DDN: variants seen among roughly 807,000 people sequenced by gnomAD.
DDN encodes dendrin.
In DDN, 4 loss-of-function variants were observed where a neutral mutation model predicts 7.3. That is an observed-to-expected ratio of 0.55 (90% CI 0.27 to 1.25). The LOEUF (loss-of-function observed/expected upper bound fraction) is 1.25, where lower values mean the gene tolerates loss of function less well. Ranked by LOEUF, DDN falls within the 50% of genes most tolerant of loss-of-function variation. The pLI is 0.12. For missense variants in DDN, 933 were observed against 974.7 expected (o/e 0.96, Z 0.57); for synonymous variants, 425 against 424.3 (o/e 1.00, Z -0.02).
At position 48,996,777 on chromosome 12, in the gene DDN, A is replaced by C; in HGVS notation, c.2099T>G (p.Ile700Ser). 1 of 1,614,052 alleles carries C rather than the reference A, an allele frequency of 6.2e-7. No homozygotes were observed. The highest frequency in any genetic ancestry group is 8.5e-7 in the Non-Finnish European group (1 of 1,179,978). The change falls in exon 2 of 2, where the codon ATC becomes AGC. Residue 700 changes from isoleucine to serine, a missense_variant. By Grantham distance (142) the Ile-to-Ser change is moderately radical (BLOSUM62 -2). Coordinates refer to ENST00000421952, the MANE Select transcript of DDN (RefSeq NM_015086.2). ...TEEVLFGVRD[I>S]RGTQQGNRKR... is the part of the protein sequence containing the mutation. ...CCTATTTCCCTGTTGGGTCCCTCTG[A>C]TGTCCCTCACCCCGAAGAGGACCTC...
At position 48,998,277 on chromosome 12, in the gene DDN, G is replaced by GT; in HGVS notation, c.598_599insA (p.Pro200HisfsTer39). 1 of 1,604,406 alleles carries GT rather than the reference G, an allele frequency of 6.2e-7. No individual in the cohort carries two copies. The highest frequency in any genetic ancestry group is 8.5e-7 in the Non-Finnish European group (1 of 1,176,506). ...CAGCAGGTGAGCCTCGTAGCTTGGGGGCCCGGGCCGCCGACCTCCCCAGGG... is the reference window on the plus strand; with the variant it reads ...CAGCAGGTGAGCCTCGTAGCTTGGGGTGCCCGGGCCGCCGACCTCCCCAGGG... On this transcript the variant is annotated frameshift_variant, in exon 2 of 2. Transcript: ENST00000421952. LOFTEE classifies it low-confidence loss of function (END_TRUNC).
rs373744165 is a variant in DDN, at chr12:48,997,776, T to G, written c.1100A>C (p.His367Pro). ...TTTCCCTTCCCTCGAGCCCTTGAGG[T>G]GGTGCCTGGATCTGGGAGCGGGATG... ...APHPAPRSRH[H>P]LKGSREGKEG... The change falls in exon 2 of 2, where the codon CAC becomes CCC. Residue 367 changes from histidine to proline, a missense_variant. Transcript: ENST00000421952. The G allele has an allele frequency of 1.2e-6, 2 of 1,611,362 alleles. No individual in the cohort carries two copies. The highest frequency in any genetic ancestry group is 2.7e-5 in the African/African-American group (2 of 74,862).
rs756910288 is a variant in DDN at position 48,997,882 on chromosome 12, G to A, written c.994C>T (p.His332Tyr). 285 of 1,612,852 alleles carry A rather than the reference G, an allele frequency of 1.8e-4. 6 individuals carry two copies. The South Asian group carries it at 2.2e-3, about 13-fold the overall frequency. The stretch of plus-strand genomic sequence containing the variant: ...CTCCCTGTAGCTTTGGCTTGGGGAT[G>A]GCTGTCGCTACCACTGTTCAGGTCA... ...AADLNSGSDS[H>Y]PQAKATGSAG... Residue 332 changes from histidine to tyrosine, a missense_variant, in exon 2 of 2, where the codon CAT becomes TAT. By Grantham distance (83) the His-to-Tyr change is moderately conservative (BLOSUM62 2). Transcript: ENST00000421952.
In DDN at chr12:48,997,847, G is replaced by A. The variant is rs771110507; in HGVS notation, c.1029C>T (p.Thr343=). Residue 343 remains threonine (T), a synonymous_variant, in exon 2 of 2, where the codon ACC becomes ACT. Transcript: ENST00000421952. The part of the protein sequence containing the change: ...PQAKATGSAG[T]EIAPAGSATA... ...TTGCAGACCCCGCAGGAGCTATCTC[G>A]GTGCCTGCGCTCCCTGTAGCTTTGG... The A allele has an allele frequency of 1.2e-6, 2 of 1,613,658 alleles. No individual in the cohort carries two copies. The highest frequency in any genetic ancestry group is 2.2e-5 in the South Asian group (2 of 91,092).
Position 48,997,088 on chromosome 12 carries a change from G to A in DDN, c.1788C>T (p.Ala596=), listed in dbSNP as rs1361686221. 3 of 1,523,262 alleles carry A rather than the reference G, an allele frequency of 2.0e-6. No homozygotes were observed. The highest frequency in any genetic ancestry group is 4.4e-5 in the Admixed American group (2 of 44,966). The allele number at this position is 1,523,262 out of a possible 1,614,324, so 94.4% of individuals were successfully genotyped here. A position where few individuals can be genotyped will look rare whatever the true frequency, so the allele number is the denominator to read the frequency against. ...GSEVAVVQRR[A]GRGWARTPGP... ...CTGGGGTCCGCGCCCAGCCCCGGCC[G>A]GCGCGCCGCTGGACCACCGCCACTT... The change falls in exon 2 of 2, where the codon GCC becomes GCT. Residue 596 remains alanine, a synonymous_variant. Transcript: ENST00000421952.
rs770788022 is a variant in DDN at position 48,999,095 on chromosome 12, C to A, written c.193G>T (p.Gly65Trp). The A allele has an allele frequency of 3.7e-6, 6 of 1,614,136 alleles. No homozygotes were observed. In the South Asian group the frequency reaches 6.6e-5, roughly 18 times the overall value. The change falls in exon 1 of 2, where the codon GGG (glycine) becomes TGG (tryptophan). Residue 65 changes from glycine (G) to tryptophan (W), a missense_variant. Coordinates refer to ENST00000421952, the MANE Select transcript of DDN (RefSeq NM_015086.2). ...MDFQASHWAR[G>W]FQNRTCGPRP... ...TTCACTCACGTGCGGTTCTGGAACC[C>A]GCGAGCCCAGTGGCTGGCCTGGAAG...
chr12:48,998,996 C>T (rs1941260238), intron 1 of DDN, 83 bp downstream of exon 1: 1 of 1,446,302 alleles, frequency 6.9e-7, no homozygotes, highest in Non-Finnish European at 9.7e-7. Context: ...GGGGGACCAG[C>T]AGTGCTCGCT....
At position 48,998,358 on chromosome 12, in the gene DDN, C is replaced by T. The variant is rs758735611; in HGVS notation, c.518G>A (p.Arg173Gln). 1.1e-5 allele frequency: 16 copies of T among 1,511,000 alleles called. No individual in the cohort carries two copies. The East Asian group carries it at 1.8e-4, about 17-fold the overall frequency. 93.6% of individuals were successfully genotyped at this position (1,511,000 alleles called of 1,614,324 possible). The change falls in exon 2 of 2, where the codon CGA becomes CAA. Residue 173 changes from arginine (R) to glutamine (Q), a missense_variant. By Grantham distance (43) the Arg-to-Gln change is conservative. Transcript: ENST00000421952. ...CGGCTGCGCGGATGGACGGGGCGCT[C>T]GCCCCACAGGCGCCAGGCGCTCCGG... The part of the protein sequence containing the change: ...LRPERLAPVG[R>Q]APRPSAQPQS...
Position 48,999,167 on chromosome 12 carries a change from T to G in DDN, c.121A>C (p.Ile41Leu). The G allele has an allele frequency of 6.2e-7, 1 of 1,613,856 alleles. No homozygotes were observed. The highest frequency in any genetic ancestry group is 1.7e-5 in the Admixed American group (1 of 59,992). Residue 41 changes from isoleucine to leucine, a missense_variant, in exon 1 of 2, where the codon ATT (isoleucine) becomes CTT (leucine). Transcript: ENST00000421952. ...SKLLVIEVKT[I>L]SCHYSRRAPS... ...GCGCGGCGACTATAATGACAGGAAA[T>G]AGTCTTCACTTCTATCACCAATAGC... is the stretch of plus-strand genomic sequence containing the variant.
rs1281463380 is a variant in DDN, at chr12:48,997,034, G to A, written c.1842C>T (p.Ala614=). The A allele has an allele frequency of 1.3e-6, 2 of 1,560,900 alleles. No individual in the cohort carries two copies. Among genetic ancestry groups the A allele is most frequent in the Non-Finnish European group, 1.7e-6 (2 of 1,155,742 alleles). Residue 614 remains alanine, a synonymous_variant, in exon 2 of 2, where the codon GCC becomes GCT. Transcript: ENST00000421952. ...PGPYAGALRE[A]VSRIRRHTAP... is the part of the protein sequence containing the mutation. Reference sequence around the variant, plus strand: ...CTGTGTGGCGGCGGATACGGGACACGGCTTCTCGCAGGGCCCCGGCGTAGG... The same window carrying A: ...CTGTGTGGCGGCGGATACGGGACACAGCTTCTCGCAGGGCCCCGGCGTAGG...
In DDN at chr12:48,996,837, A is replaced by G. The variant is rs780773213; in HGVS notation, c.2039T>C (p.Val680Ala). 1 of 1,614,120 alleles carries G rather than the reference A, an allele frequency of 6.2e-7. No homozygotes were observed. Among genetic ancestry groups the G allele is most frequent in the South Asian group, 1.1e-5 (1 of 91,076 alleles). The change falls in exon 2 of 2, where the codon GTC becomes GCC. Residue 680 changes from valine (V) to alanine (A), a missense_variant. Transcript: ENST00000421952. The part of the protein sequence containing the change: ...DGKTAELSDS[V>A]GEILDVISQT... ...GCTTATGACATCTAGGATCTCCCCG[A>G]CACTGTCGCTCAGTTCCGCTGTCTT... is the stretch of plus-strand genomic sequence containing the variant.
chr12:48,997,563 G>A lies in DDN; in HGVS notation c.1313C>T (p.Thr438Ile). The A allele has an allele frequency of 6.3e-7, 1 of 1,598,362 alleles. No homozygotes were observed. Among genetic ancestry groups the A allele is most frequent in the Non-Finnish European group, 8.5e-7 (1 of 1,169,790 alleles). The change falls in exon 2 of 2, where the codon ACC becomes ATC. Residue 438 changes from threonine to isoleucine, a missense_variant. By Grantham distance (89) the Thr-to-Ile change is moderately conservative. Coordinates refer to ENST00000421952, the MANE Select transcript of DDN (RefSeq NM_015086.2). ...EGWKATRRAH[T>I]LPRSSQGLSR... is the part of the protein sequence containing the mutation. ...CAGGCCCTGGGAACTGCGGGGCAAG[G>A]TGTGGGCACGGCGGGTCGCCTTCCA... is the stretch of plus-strand genomic sequence containing the variant.
Position 48,997,507 on chromosome 12 carries a change from C to A in DDN, c.1369G>T (p.Ala457Ser). Reference sequence around the variant, plus strand: ...TGGGATCGTATCACTACGCACGTGGCGTCAATGACAAAGACGCCTTCCCCA... The same window carrying A: ...TGGGATCGTATCACTACGCACGTGGAGTCAATGACAAAGACGCCTTCCCCA... ...SRGEGVFVID[A>S]TCVVIRSQYV... Residue 457 changes from alanine (A) to serine (S), a missense_variant, in exon 2 of 2, where the codon GCC becomes TCC. Ala to Ser is a moderately conservative substitution (Grantham distance 99). Transcript: ENST00000421952. The A allele has an allele frequency of 6.2e-7, 1 of 1,608,350 alleles. No individual in the cohort carries two copies. The highest frequency in any genetic ancestry group is 8.5e-7 in the Non-Finnish European group (1 of 1,175,696).
rs760576031 is a variant in DDN at position 48,997,529 on chromosome 12, C to T, written c.1347G>A (p.Gly449=). Residue 449 remains glycine (G), a synonymous_variant, in exon 2 of 2, where the codon GGG becomes GGA. Coordinates refer to ENST00000421952, the MANE Select transcript of DDN (RefSeq NM_015086.2). ...LPRSSQGLSR[G]EGVFVIDATC... ...TGGCGTCAATGACAAAGACGCCTTC[C>T]CCACGGGACAGGCCCTGGGAACTGC... 1.4e-5 allele frequency: 22 copies of T among 1,607,680 alleles called. No homozygotes were observed. Among genetic ancestry groups the T allele is most frequent in the Non-Finnish European group, 1.7e-5 (20 of 1,175,472 alleles).
rs1941252708 is a variant in DDN, at chr12:48,998,609, C to G, written c.267G>C (p.Arg89Ser). ...QPPPRRPWASRVLQEATNWRA... is the reference protein window; with the variant it reads ...QPPPRRPWASSVLQEATNWRA... ...GCCAGTTGGTCGCCTCCTGCAGCAC[C>G]CTGGAGGCCCAGGGCCGGCGGGGCG... The change falls in exon 2 of 2, where the codon AGG (arginine) becomes AGC (serine). Residue 89 changes from arginine to serine, a missense_variant. Transcript: ENST00000421952. The G allele has an allele frequency of 3.8e-6, 6 of 1,575,504 alleles. No individual in the cohort carries two copies. In the East Asian group the frequency reaches 1.4e-4, roughly 36 times the overall value.
rs1444986901 is a variant in DDN, at chr12:48,999,201, C to A, written c.87G>T (p.Gln29His). 1 of 1,610,224 alleles carries A rather than the reference C, an allele frequency of 6.2e-7. No individual in the cohort carries two copies. Among genetic ancestry groups the A allele is most frequent in the South Asian group, 1.1e-5 (1 of 90,350 alleles). The change falls in exon 1 of 2, where the codon CAG becomes CAT. Residue 29 changes from glutamine to histidine, a missense_variant. Coordinates refer to ENST00000421952, the MANE Select transcript of DDN (RefSeq NM_015086.2). ...DEESGSCLWV[Q>H]KSKLLVIEVK... ...CTTCTATCACCAATAGCTTGGACTT[C>A]TGCACCCAGAGGCAGCTGCCAGACT...
At chr12:48,998,992 C>T in intron 1 of DDN, 87 bp downstream of exon 1, 4 of 1,426,700 alleles carry the variant, frequency 2.8e-6, no homozygotes, top group Non-Finnish European at 3.9e-6. Context: ...AGAAGGGGGA[C>T]CAGCAGTGCT....
chr12:48,996,457 C>T lies in DDN; in HGVS notation c.*283G>A, dbSNP rs76322558. ...CCCTCCTGCCTGATCCTGGTTAGGC[C>T]TCTCTGCTCAGCTCCACACCCAGTG... On this transcript the variant is annotated 3_prime_UTR_variant, in exon 2 of 2. Coordinates refer to ENST00000421952, the MANE Select transcript of DDN (RefSeq NM_015086.2). The T allele has an allele frequency of 5.2e-3, 1,918 of 369,682 alleles. 37 individuals are homozygous for T. Among genetic ancestry groups the T allele is most frequent in the African/African-American group, 0.035 (1,725 of 48,784 alleles). The allele number at this position is 369,682 out of a possible 1,614,324, so 22.9% of individuals were successfully genotyped here.
rs1231339597 is a variant in DDN, at chr12:48,996,843, T to C, written c.2033A>G (p.Asp678Gly). Residue 678 changes from aspartate to glycine, a missense_variant, in exon 2 of 2, where the codon GAC becomes GGC. Physicochemically the swap from Asp to Gly is moderately conservative, Grantham distance 94 (BLOSUM62 -1). Transcript: ENST00000421952. The stretch of plus-strand genomic sequence containing the variant: ...GACATCTAGGATCTCCCCGACACTG[T>C]CGCTCAGTTCCGCTGTCTTCCCATC... ...EEDGKTAELS[D>G]SVGEILDVIS... 1 of 1,614,220 alleles carries C rather than the reference T, an allele frequency of 6.2e-7. No homozygotes were observed. The highest frequency in any genetic ancestry group is 2.2e-5 in the East Asian group (1 of 44,874).
Sources: gnomAD v4.1 joint callset for allele counts on GRCh38, gnomAD v4.1.1 for gene constraint, MANE v1.5 for transcripts, NCBI Gene and HGNC (gene_info 2026-07-23, HGNC 2026-07-21) for gene names.